ANKRD13C: variants seen among roughly 807,000 people sequenced by gnomAD.
ANKRD13C encodes the protein ankyrin repeat domain-containing protein 13C.
Under a neutral mutation model 65.5 loss-of-function variants are expected in ANKRD13C, and 16 were observed. That is an observed-to-expected ratio of 0.24 (90% CI 0.17 to 0.37). The LOEUF is 0.37. Among genes scored for constraint, ANKRD13C ranks in the 10% least tolerant of loss-of-function variants. ANKRD13C has a pLI of 1.00. For synonymous variants in ANKRD13C, 235 were observed against 238.7 expected, an observed-to-expected ratio of 0.98 and a Z score of 0.14; for missense variants, 503 against 655.9, an observed-to-expected ratio of 0.77 and a Z score of 2.55.
chr1:70,321,035 G>A (rs1395924533), intron 3 of ANKRD13C, among the ~76,000 whole-genome samples: 1 of 152,130 alleles, frequency 6.6e-6, no homozygotes, highest in Non-Finnish European at 1.5e-5. Flanking sequence ...CTCCCAAAGC[G>A]CTGGGGTTAC....
At chr1:70,319,906 C>T (rs1165392480) in intron 3 of ANKRD13C, among the ~76,000 whole-genome samples, 1 of 151,942 alleles carries the variant, frequency 6.6e-6, no homozygotes, top group Non-Finnish European at 1.5e-5. Flanking sequence ...GTTAATGGCA[C>T]ATCCTGACTA....
intron 5 of ANKRD13C, among the ~76,000 whole-genome samples, chr1:70,312,195 G>T (rs893935917): frequency 6.6e-6 from 1 of 152,148 alleles, no homozygotes. Flanking sequence ...ATGGTATATT[G>T]TATAATCTAT....
At chr1:70,315,643 T>A in intron 3 of ANKRD13C, 77 bp from the exon 4 acceptor site, 1 of 1,119,088 alleles carries the variant, frequency 8.9e-7, no homozygotes, top group Non-Finnish European at 1.3e-6. Context: ...ATTATACATA[T>A]AGATAGATAA....
intron 2 of ANKRD13C, among the ~76,000 whole-genome samples, chr1:70,328,183 A>G (rs1681630167): frequency 6.6e-6 from 1 of 152,262 alleles, no homozygotes; most frequent in East Asian, 1.9e-4. Flanking sequence ...ATAATCTTTC[A>G]ATTTTGGGGG....
chr1:70,277,846 A>C (rs1339172762), intron 9 of ANKRD13C, among the ~76,000 whole-genome samples: 1 of 152,126 alleles, frequency 6.6e-6, no homozygotes, highest in Admixed American at 6.6e-5. Flanking sequence ...CAATCACTAT[A>C]AGATGAACTG....
At chr1:70,332,603 T>C (rs1036108978) in intron 2 of ANKRD13C, among the ~76,000 whole-genome samples, 5 of 152,114 alleles carry the variant, frequency 3.3e-5, no homozygotes, top group Non-Finnish European at 7.4e-5. Flanking sequence ...ATAGTTGGGA[T>C]TACAGGCATG....
At chr1:70,335,549 G>C (rs956796697) in intron 2 of ANKRD13C, among the ~76,000 whole-genome samples, 5 of 151,696 alleles carry the variant, frequency 3.3e-5, no homozygotes, top group Non-Finnish European at 5.9e-5. Context: ...ACTGCACTTA[G>C]GAATAACCTA....
chr1:70,302,038 G>A (rs1680379353), intron 6 of ANKRD13C, among the ~76,000 whole-genome samples: 1 of 152,160 alleles, frequency 6.6e-6, no homozygotes, highest in African/African-American at 2.4e-5. Flanking sequence ...AGGTTTTTCA[G>A]TTCTCATCAC....
chr1:70,311,833 T>C (rs188676992), intron 5 of ANKRD13C, among the ~76,000 whole-genome samples: 10 of 152,312 alleles, frequency 6.6e-5, no homozygotes, highest in Admixed American at 6.5e-4. Context: ...TAGAAATGTA[T>C]ACAGATGTTA....
intron 7 of ANKRD13C, among the ~76,000 whole-genome samples, chr1:70,297,441 C>G (rs1680138339): frequency 6.6e-6 from 1 of 150,474 alleles, no homozygotes; most frequent in African/African-American, 2.4e-5. Context: ...CTACAGGCAC[C>G]CGCCCCCATG....
At chr1:70,265,219 G>C (rs1039196110) in intron 12 of ANKRD13C, among the ~76,000 whole-genome samples, 1 of 152,106 alleles carries the variant, frequency 6.6e-6, no homozygotes, top group Non-Finnish European at 1.5e-5. Context: ...TATAATACAA[G>C]GTGACAAGAG....
intron 6 of ANKRD13C, among the ~76,000 whole-genome samples, chr1:70,303,207 T>C (rs1418681326): frequency 6.6e-6 from 1 of 152,200 alleles, no homozygotes; most frequent in Non-Finnish European, 1.5e-5. Context: ...CCTGACATAT[T>C]AGATGACCTG....
chr1:70,310,589 CTA>C (rs1002976716), intron 5 of ANKRD13C, among the ~76,000 whole-genome samples: 4 of 151,982 alleles, frequency 2.6e-5, no homozygotes, highest in African/African-American at 7.2e-5. Flanking sequence ...TTGTTTATAA[CTA>C]TAGATATATA....
At chr1:70,302,725 C>CAAAAAAAAAAAAAA (rs11359618) in intron 6 of ANKRD13C, among the ~76,000 whole-genome samples, 1 of 32,164 alleles carries the variant, frequency 3.1e-5, no homozygotes, top group Admixed American at 7.1e-4. Context: ...GACTCCGTCT[C>CAAAAAAAAAAAAAA]AAAAAAAAAA....
chr1:70,347,765 A>G (rs746155148), intron 1 of ANKRD13C, among the ~76,000 whole-genome samples: 11 of 152,156 alleles, frequency 7.2e-5, no homozygotes, highest in Non-Finnish European at 1.6e-4. Context: ...GGAAGATGAC[A>G]TTCATCTAAT....
chr1:70,274,379 CAGG>C (rs1163955627), intron 11 of ANKRD13C, among the ~76,000 whole-genome samples: 1 of 144,614 alleles, frequency 6.9e-6, no homozygotes, highest in Non-Finnish European at 1.5e-5. Context: ...GAGGCTGAGG[CAGG>C]AGAATTGCTT....
chr1:70,337,320 G>A (rs145617998), intron 1 of ANKRD13C, among the ~76,000 whole-genome samples: 9 of 152,292 alleles, frequency 5.9e-5, no homozygotes, highest in Non-Finnish European at 1.0e-4. Context: ...GGTGGCTCAC[G>A]CCTGTAATCC....
chr1:70,299,542 T>C (rs917788913), intron 7 of ANKRD13C, among the ~76,000 whole-genome samples: 7 of 152,232 alleles, frequency 4.6e-5, no homozygotes, highest in East Asian at 1.9e-4. Flanking sequence ...TAAATTACAG[T>C]AGTGACAGTG....
intron 12 of ANKRD13C, among the ~76,000 whole-genome samples, chr1:70,264,568 T>G (rs1678528847): frequency 6.6e-6 from 1 of 151,914 alleles, no homozygotes; most frequent in South Asian, 2.1e-4. Flanking sequence ...CCCACTCATT[T>G]ACTTACTATC....
Sources: gnomAD v4.1 joint callset for allele counts (sites outside exome capture counted in the v4.1 genomes callset) on GRCh38, gnomAD v4.1.1 for gene constraint, MANE v1.5 for transcripts, NCBI Gene and HGNC (gene_info 2026-07-23, HGNC 2026-07-21) for gene names.